Variants in PPARGC1A observed in about 807,000 individuals in gnomAD.
PPARGC1A encodes PPARG coactivator 1 alpha, also known as peroxisome proliferator-activated receptor gamma coactivator 1-alpha.
PPARGC1A carries 25 observed loss-of-function variants against 88.7 expected under a neutral mutation model. That is an observed-to-expected ratio of 0.28 (90% CI 0.21 to 0.39). PPARGC1A has a LOEUF of 0.39. Ranked by LOEUF, PPARGC1A falls within the 10% of genes least tolerant of loss-of-function variation. PPARGC1A has a pLI of 1.00. For missense variants in PPARGC1A, 880 were observed against 968.7 expected (o/e 0.91, Z 1.22); for synonymous variants, 363 against 355.6 (o/e 1.02, Z -0.24).
intron 2 of PPARGC1A, among the ~76,000 whole-genome samples, chr4:23,878,222 C>G (rs1715195402): frequency 6.6e-6 from 1 of 151,980 alleles, no homozygotes. Flanking sequence ...GAGTATCTGA[C>G]ATGAAATCAT....
At chr4:23,809,878 T>A (rs1019447709) in intron 10 of PPARGC1A, among the ~76,000 whole-genome samples, 1 of 152,146 alleles carries the variant, frequency 6.6e-6, no homozygotes, top group Non-Finnish European at 1.5e-5. Context: ...TCTCTGAGGA[T>A]GTTCTCCTTC....
the PPARGC1A span, among the ~76,000 whole-genome samples, chr4:24,296,070 G>A: frequency 2.0e-5 from 3 of 150,260 alleles, no homozygotes; most frequent in Admixed American, 6.7e-5. Flanking sequence ...ATGTGTATAT[G>A]TATATATGTA....
At chr4:24,286,402 A>G in the PPARGC1A span, among the ~76,000 whole-genome samples, 2 of 152,176 alleles carry the variant, frequency 1.3e-5, no homozygotes, top group East Asian at 1.9e-4. Flanking sequence ...CCTTACAACT[A>G]AGATATCATT....
At chr4:24,271,320 T>G in the PPARGC1A span, among the ~76,000 whole-genome samples, 2 of 152,110 alleles carry the variant, frequency 1.3e-5, no homozygotes, top group Non-Finnish European at 2.9e-5. Context: ...CTGAGTTCCC[T>G]CTGCAGAATC....
the PPARGC1A span, among the ~76,000 whole-genome samples, chr4:24,349,463 G>A: frequency 6.6e-6 from 1 of 152,164 alleles, no homozygotes; most frequent in Non-Finnish European, 1.5e-5. Context: ...CTCTCCTTGG[G>A]CAGATTTTGC....
the PPARGC1A span, among the ~76,000 whole-genome samples, chr4:24,257,280 G>T: frequency 1.3e-5 from 2 of 152,104 alleles, no homozygotes; most frequent in African/African-American, 4.8e-5. Flanking sequence ...TGCAGACTTA[G>T]ATCCTACAGC....
Position 23,814,427 on chromosome 4 carries a change from G to A in PPARGC1A, c.1056C>T (p.Ser352=), listed in dbSNP as rs891275373. Residue 352 remains serine (S), a synonymous_variant, in exon 8 of 13, where the codon TCC becomes TCT. Coordinates refer to ENST00000264867, the MANE Select transcript of PPARGC1A (RefSeq NM_013261.5). ...ACTTGCTGAGTTGTGCATACAACTC[G>A]GATTGCTCCGGCCCTTTCTTGGTGG... ...NNSTKKGPEQ[S]ELYAQLSKSS... 2.5e-5 allele frequency: 41 copies of A among 1,613,530 alleles called. No homozygotes were observed. The East Asian group carries it at 7.1e-4, about 28-fold the overall frequency.
intron 10 of PPARGC1A, among the ~76,000 whole-genome samples, chr4:23,803,847 G>A (rs1371492915): frequency 6.6e-6 from 1 of 152,202 alleles, no homozygotes; most frequent in African/African-American, 2.4e-5. Flanking sequence ...CTTGGGTGAT[G>A]AAAAGAGTAA....
chr4:24,384,271 G>A, the PPARGC1A span, among the ~76,000 whole-genome samples: 8 of 152,220 alleles, frequency 5.3e-5, no homozygotes. Context: ...ACCAGCCACT[G>A]CAAAAACATA....
At chr4:23,945,927 G>A in the PPARGC1A span, among the ~76,000 whole-genome samples, 5 of 152,162 alleles carry the variant, frequency 3.3e-5, no homozygotes, top group Admixed American at 6.6e-5. Flanking sequence ...GTGACCTGCA[G>A]ATGTGAGTCA....
At chr4:23,983,716 G>C in the PPARGC1A span, among the ~76,000 whole-genome samples, 95 of 152,162 alleles carry the variant, frequency 6.2e-4, no homozygotes, top group South Asian at 0.013. Flanking sequence ...AGGAGACAGA[G>C]GAAGGGAGGG....
chr4:24,412,404 A>AT, the PPARGC1A span, among the ~76,000 whole-genome samples: 2 of 152,122 alleles, frequency 1.3e-5, no homozygotes, highest in African/African-American at 4.8e-5. Flanking sequence ...GGGAAAAAAA[A>AT]CAAAAGAAGA....
intron 2 of PPARGC1A, among the ~76,000 whole-genome samples, chr4:23,838,471 T>TG (rs1217413976): frequency 6.6e-6 from 1 of 152,130 alleles, no homozygotes; most frequent in East Asian, 1.9e-4. Context: ...CACTGGACGG[T>TG]GGGGAAAAAG....
the PPARGC1A span, among the ~76,000 whole-genome samples, chr4:24,385,459 T>C: frequency 2.0e-4 from 31 of 152,216 alleles, no homozygotes; most frequent in Admixed American, 1.9e-3. Context: ...CAGGAGCTGG[T>C]TTTTTGAAAA....
At chr4:23,943,021 A>T in the PPARGC1A span, among the ~76,000 whole-genome samples, 1 of 152,208 alleles carries the variant, frequency 6.6e-6, no homozygotes, top group Non-Finnish European at 1.5e-5. Context: ...TGCAGGAATA[A>T]TTGAAGCTTT....
the PPARGC1A span, among the ~76,000 whole-genome samples, chr4:24,109,942 G>A: frequency 6.6e-6 from 1 of 152,160 alleles, no homozygotes; most frequent in African/African-American, 2.4e-5. Context: ...GGAGAAGAAA[G>A]AAACCCCAGG....
At chr4:24,125,767 C>T in the PPARGC1A span, among the ~76,000 whole-genome samples, 42 of 152,254 alleles carry the variant, frequency 2.8e-4, no homozygotes, top group South Asian at 2.7e-3. Context: ...ATTAAATTGA[C>T]TTATCTCTAC....
chr4:24,273,456 T>G, the PPARGC1A span, among the ~76,000 whole-genome samples: 2 of 152,224 alleles, frequency 1.3e-5, no homozygotes, highest in African/African-American at 4.8e-5. Flanking sequence ...TTCCTGGGAC[T>G]GGGACCTTCT....
At chr4:23,896,291 C>A (rs1219974486) in intron 1 of PPARGC1A, among the ~76,000 whole-genome samples, 3 of 151,942 alleles carry the variant, frequency 2.0e-5, no homozygotes, top group Admixed American at 2.0e-4. Flanking sequence ...CTTTTATATT[C>A]AGAAGAAGAA....
Sources: allele counts gnomAD v4.1 joint callset (sites outside exome capture counted in the v4.1 genomes callset), GRCh38; gene constraint gnomAD v4.1.1; transcripts MANE v1.5; gene names NCBI Gene and HGNC (gene_info 2026-07-23, HGNC 2026-07-21).